TGM2: variants seen among roughly 807,000 people sequenced by gnomAD.
TGM2 encodes the protein protein-glutamine gamma-glutamyltransferase 2.
In TGM2, 53 loss-of-function variants were observed where a neutral mutation model predicts 75.6. That is an observed-to-expected ratio of 0.70 (90% CI 0.56 to 0.88). The LOEUF is 0.88. Ranked by LOEUF, TGM2 falls within the 40% of genes least tolerant of loss-of-function variation. The pLI, the probability that TGM2 is intolerant of heterozygous loss-of-function variation, is 0.00. For missense variants in TGM2, 842 were observed against 928.5 expected (o/e 0.91, Z 1.21); for synonymous variants, 374 against 381.1 (o/e 0.98, Z 0.22).
At chr20:38,151,132 G>A (rs1011823641) in intron 3 of TGM2, 75 bp from the exon 4 acceptor site, 20 of 1,129,450 alleles carry the variant, frequency 1.8e-5, no homozygotes, top group South Asian at 4.9e-5. Context: ...GGAGTCAAGG[G>A]TGCCAATTCC....
intron 4 of TGM2, among the ~76,000 whole-genome samples, chr20:38,148,973 C>T (rs1204401260): frequency 7.9e-5 from 12 of 152,336 alleles, no homozygotes; most frequent in South Asian, 6.2e-4. Context: ...CAGCCTTCCA[C>T]GGTGTGAACC....
At position 38,132,429 on chromosome 20, in the gene TGM2, C is replaced by A; in HGVS notation, c.1687G>T (p.Val563Leu). ...DCLTESNLIK[V>L]RALLVEPVIN... The stretch of plus-strand genomic sequence containing the variant: ...ACTGGCTCCACGAGGAGGGCCCGCA[C>A]CTTGATGAGGTTGGACTCCGTAAGG... The change falls in exon 11 of 13, where the codon GTG becomes TTG. Residue 563 changes from valine (V) to leucine (L), a missense_variant. Coordinates refer to ENST00000361475, the MANE Select transcript of TGM2 (RefSeq NM_004613.4). 6.2e-7 allele frequency: 1 copy of A among 1,614,166 alleles called. No individual in the cohort carries two copies. Among genetic ancestry groups the A allele is most frequent in the South Asian group, 1.1e-5 (1 of 91,086 alleles).
intron 4 of TGM2, among the ~76,000 whole-genome samples, chr20:38,150,350 T>C (rs907393858): frequency 6.6e-6 from 1 of 152,114 alleles, no homozygotes; most frequent in African/African-American, 2.4e-5. Context: ...TTGTGAGAAA[T>C]AATAAGTGAT....
At position 38,152,647 on chromosome 20, in the gene TGM2, T is replaced by C. The variant is rs150156989; in HGVS notation, c.434-1590A>G. 2.3e-3 allele frequency among the ~76,000 whole-genome samples: 344 copies of C among 152,238 alleles called. 2 individuals carry two copies. Among genetic ancestry groups the C allele is most frequent in the African/African-American group, 7.9e-3 (329 of 41,538 alleles). On this transcript the variant is annotated intron_variant, in intron 3 of 12. Coordinates refer to ENST00000361475, the MANE Select transcript of TGM2 (RefSeq NM_004613.4). ...TATAACTGGCACTCGATCATATTGG[T>C]CTTGGAACTGACATACAGGAGGGTC...
rs1477168506 is a variant in TGM2 at position 38,138,146 on chromosome 20, A to G, written c.1582T>C (p.Tyr528His). 4 of 1,601,588 alleles carry G rather than the reference A, an allele frequency of 2.5e-6. No individual in the cohort carries two copies. The highest frequency in any genetic ancestry group is 1.7e-4 in the Middle Eastern group (1 of 6,042). ...GGCTCCAGGTTGAGGTTGAGCAGGT[A>G]CTTGGTGCCACACTCGGGCCCCAAG... is the stretch of plus-strand genomic sequence containing the variant. ...GILGPECGTK[Y>H]LLNLNLEPFS... is the part of the protein sequence containing the mutation. Residue 528 changes from tyrosine to histidine, a missense_variant, in exon 10 of 13, where the codon TAC becomes CAC. Coordinates refer to ENST00000361475, the MANE Select transcript of TGM2 (RefSeq NM_004613.4).
chr20:38,155,947 G>A lies in TGM2; in HGVS notation c.333C>T (p.Pro111=), dbSNP rs1252633767. ...CCAGGCTGAGGCGATACAGGCCGAT[G>A]GGGGCGTTGGCCGGGGTGGTGAGCT... ...SLQLTTPANA[P]IGLYRLSLEA... Residue 111 remains proline (P), a synonymous_variant, in exon 3 of 13, where the codon CCC becomes CCT. Transcript: ENST00000361475. 3.1e-6 allele frequency: 5 copies of A among 1,612,490 alleles called. No individual in the cohort carries two copies. The highest frequency in any genetic ancestry group is 3.3e-5 in the Admixed American group (2 of 59,778).
At position 38,139,473 on chromosome 20, in the gene TGM2, G is replaced by C. The variant is rs1296915673; in HGVS notation, c.1281C>G (p.Ser427Arg). 1 of 1,614,208 alleles carries C rather than the reference G, an allele frequency of 6.2e-7. No individual in the cohort carries two copies. The highest frequency in any genetic ancestry group is 8.5e-7 in the Non-Finnish European group (1 of 1,180,036). ...NRSLIVGLKI[S>R]TKSVGRDERE... ...GCTCGTCTCGGCCCACGCTCTTAGTGCTGATCTTCAGCCCAACGATCAGGG... is the reference window on the plus strand; with the variant it reads ...GCTCGTCTCGGCCCACGCTCTTAGTCCTGATCTTCAGCCCAACGATCAGGG... The change falls in exon 9 of 13, where the codon AGC (serine) becomes AGG (arginine). Residue 427 changes from serine to arginine, a missense_variant. Physicochemically the swap from Ser to Arg is moderately radical, Grantham distance 110. Coordinates refer to ENST00000361475, the MANE Select transcript of TGM2 (RefSeq NM_004613.4).
rs45522432 is a variant in TGM2 at position 38,160,717 on chromosome 20, T to TC, written c.190+702dup. On this transcript the variant is annotated intron_variant, in intron 2 of 12. Coordinates refer to ENST00000361475, the MANE Select transcript of TGM2 (RefSeq NM_004613.4). Reference sequence around the variant, plus strand: ...GAAGGCTGAAGCTAGCTGGGCTTTTTCTCTGCCACCCAGGCCTGATTTGGG... The same window carrying TC: ...GAAGGCTGAAGCTAGCTGGGCTTTTTCCTCTGCCACCCAGGCCTGATTTGGG... 5.1e-3 allele frequency among the ~76,000 whole-genome samples: 779 copies of TC among 152,352 alleles called. 12 individuals carry two copies. The highest frequency in any genetic ancestry group is 0.018 in the African/African-American group (747 of 41,576).
chr20:38,165,094 T>A (rs1222202436), intron 1 of TGM2, 95 bp downstream of exon 1: 2 of 1,593,866 alleles, frequency 1.3e-6, no homozygotes, highest in South Asian at 1.1e-5. Flanking sequence ...CCTGTTGCTC[T>A]CCAAATCAGG....
At position 38,128,365 on chromosome 20, in the gene TGM2, C is replaced by T. The variant is rs868559772; in HGVS notation, c.*1854G>A. On this transcript the variant is annotated 3_prime_UTR_variant, in exon 13 of 13. Coordinates refer to ENST00000361475, the MANE Select transcript of TGM2 (RefSeq NM_004613.4). ...TAAACGCAGGGACAGGGCTGAGGCTCAGGAAAGACTCCTAGGCAGGAAGTG... is the reference window on the plus strand; with the variant it reads ...TAAACGCAGGGACAGGGCTGAGGCTTAGGAAAGACTCCTAGGCAGGAAGTG... 4.6e-5 allele frequency: 7 copies of T among 152,350 alleles called. No individual in the cohort carries two copies. Among genetic ancestry groups the T allele is most frequent in the Non-Finnish European group, 8.8e-5 (6 of 68,080 alleles). The allele number at this position is 152,350 out of a possible 1,614,324, so 9.4% of individuals were successfully genotyped here.
At position 38,155,925 on chromosome 20, in the gene TGM2, G is replaced by A. The variant is rs775162621; in HGVS notation, c.355C>T (p.Leu119=). The change falls in exon 3 of 13, where the codon CTG becomes TTG. Residue 119 remains leucine (L), a synonymous_variant. Coordinates refer to ENST00000361475, the MANE Select transcript of TGM2 (RefSeq NM_004613.4). ...NAPIGLYRLS[L]EASTGYQGSS... Reference sequence around the variant, plus strand: ...CCCTGGTAGCCAGTGGAGGCCTCCAGGCTGAGGCGATACAGGCCGATGGGG... The same window carrying A: ...CCCTGGTAGCCAGTGGAGGCCTCCAAGCTGAGGCGATACAGGCCGATGGGG... 3.5e-5 allele frequency: 56 copies of A among 1,610,952 alleles called. No homozygotes were observed. The South Asian group carries it at 6.1e-4, about 18-fold the overall frequency.
intron 4 of TGM2, among the ~76,000 whole-genome samples, chr20:38,149,291 C>A (rs535164337): frequency 2.6e-5 from 4 of 152,146 alleles, no homozygotes; most frequent in Non-Finnish European, 5.9e-5. Context: ...TTATTCCTTC[C>A]TTCCTCTAGG....
rs749852189 is a variant in TGM2, at chr20:38,156,044, A to G, written c.236T>C (p.Leu79Pro). 2.5e-6 allele frequency: 4 copies of G among 1,613,866 alleles called. No homozygotes were observed. Among genetic ancestry groups the G allele is most frequent in the Non-Finnish European group, 3.4e-6 (4 of 1,179,988 alleles). ...GTCACCCTCCTCCACAGCATCTCTT[A>G]GTGGAAAACGGGCCTTGGTCCCGGC... ...QEAGTKARFPLRDAVEEGDWT... is the reference protein window; with the variant it reads ...QEAGTKARFPPRDAVEEGDWT... Residue 79 changes from leucine to proline, a missense_variant, in exon 3 of 13, where the codon CTA becomes CCA. Coordinates refer to ENST00000361475, the MANE Select transcript of TGM2 (RefSeq NM_004613.4).
chr20:38,160,252 C>T (rs888343316), intron 2 of TGM2, among the ~76,000 whole-genome samples: 2 of 152,208 alleles, frequency 1.3e-5, no homozygotes, highest in African/African-American at 2.4e-5. Flanking sequence ...TTTCCCAACC[C>T]GAGTCCTAGC....
At chr20:38,156,111 C>A (rs868638942) in intron 2 of TGM2, 22 bp from the exon 3 acceptor site, 1 of 1,608,678 alleles carries the variant, frequency 6.2e-7, no homozygotes, top group Non-Finnish European at 8.5e-7. Flanking sequence ...GAAGCAGTAG[C>A]CGTGAGCTAG....
intron 12 of TGM2, 56 bp downstream of exon 12, chr20:38,131,037 C>A (rs531494883): frequency 6.2e-7 from 1 of 1,605,520 alleles, no homozygotes; most frequent in Admixed American, 1.7e-5. Context: ...GTCTCTACCC[C>A]CACCGGCATC....
In TGM2 at chr20:38,142,127, A is replaced by C. The variant is rs1356713515; in HGVS notation, c.932T>G (p.Leu311Arg). 5.0e-6 allele frequency: 8 copies of C among 1,614,044 alleles called. No homozygotes were observed. The highest frequency in any genetic ancestry group is 6.8e-6 in the Non-Finnish European group (8 of 1,180,040). Residue 311 changes from leucine to arginine, a missense_variant, in exon 7 of 13, where the codon CTT (leucine) becomes CGT (arginine). Coordinates refer to ENST00000361475, the MANE Select transcript of TGM2 (RefSeq NM_004613.4). ...CTCATTGCGGAAGTACTCGATGAGA[A>C]GGTTGCTGTTCTGGTCATGGGCCGA... ...YNSAHDQNSN[L>R]LIEYFRNEFG...
At chr20:38,155,627 C>G (rs2075174814) in intron 3 of TGM2, among the ~76,000 whole-genome samples, 1 of 152,164 alleles carries the variant, frequency 6.6e-6, no homozygotes. Context: ...AGATTACAGG[C>G]ATGGATCACT....
upstream of TGM2, among the ~76,000 whole-genome samples, chr20:38,168,076 A>G (rs1315706431): frequency 1.3e-5 from 2 of 152,234 alleles, no homozygotes; most frequent in Admixed American, 1.3e-4. Context: ...CCTGGATCCC[A>G]GCACAGGGCT....
Sources: gnomAD v4.1 joint callset for allele counts (sites outside exome capture counted in the v4.1 genomes callset) on GRCh38, gnomAD v4.1.1 for gene constraint, MANE v1.5 for transcripts, NCBI Gene and HGNC (gene_info 2026-07-23, HGNC 2026-07-21) for gene names.